The following ZBTB20 variants were observed in gnomAD, a reference collection of about 807,000 sequenced individuals.
ZBTB20 encodes zinc finger and BTB domain containing 20, also known as zinc finger and BTB domain-containing protein 20.
Under a neutral mutation model 56.9 loss-of-function variants are expected in ZBTB20, and 9 were observed. That is an observed-to-expected ratio of 0.16 (90% CI 0.10 to 0.28). The LOEUF (loss-of-function observed/expected upper bound fraction) is 0.28. Among genes scored for constraint, ZBTB20 ranks in the 10% least tolerant of loss-of-function variants. The pLI, the probability that ZBTB20 is intolerant of heterozygous loss-of-function variation, is 1.00. For missense variants in ZBTB20, 655 were observed against 1,003.0 expected (o/e 0.65, Z 4.69); for synonymous variants, 417 against 420.7 (o/e 0.99, Z 0.11).
chr3:115,073,885 C>T (rs2082503152), intron 1 of ZBTB20, among the ~76,000 whole-genome samples: 1 of 151,878 alleles, frequency 6.6e-6, no homozygotes, highest in African/African-American at 2.4e-5. Context: ...TGAAACTTTG[C>T]TCCCAAAATT....
At chr3:114,412,986 T>C (rs1011737193) in intron 7 of ZBTB20, among the ~76,000 whole-genome samples, 1 of 152,144 alleles carries the variant, frequency 6.6e-6, no homozygotes, top group Non-Finnish European at 1.5e-5. Flanking sequence ...TCATTCTGTT[T>C]TGAGCCCAGA....
At chr3:114,923,835 G>A (rs189957339) in intron 3 of ZBTB20, among the ~76,000 whole-genome samples, 1 of 152,086 alleles carries the variant, frequency 6.6e-6, no homozygotes, top group African/African-American at 2.4e-5. Flanking sequence ...TTGATATTCA[G>A]AATGTATGTA....
intron 10 of ZBTB20, among the ~76,000 whole-genome samples, chr3:114,361,334 C>T (rs1345908317): frequency 6.6e-6 from 1 of 152,182 alleles, no homozygotes; most frequent in East Asian, 1.9e-4. Context: ...CCCCATGAAC[C>T]TTATTCAAAC....
intron 7 of ZBTB20, among the ~76,000 whole-genome samples, chr3:114,496,600 A>G (rs182915600): frequency 1.3e-5 from 2 of 152,322 alleles, no homozygotes; most frequent in East Asian, 3.9e-4. Flanking sequence ...TACATGAAAC[A>G]TAAGCTGTTG....
chr3:114,365,959 A>ATT lies in ZBTB20; in HGVS notation c.200-14082_200-14081insAA, dbSNP rs2082355591. Among the ~76,000 whole-genome samples, 8 of 152,346 alleles carry ATT rather than the reference A, an allele frequency of 5.3e-5. No individual in the cohort carries two copies. In the South Asian group the frequency reaches 1.7e-3, roughly 32 times the overall value. On this transcript the variant is annotated intron_variant, in intron 10 of 11. Transcript: ENST00000675478. Reference sequence around the variant, plus strand: ...ATAATCGGGTAAAAAATTAGTACCTATATTTTCACAAATGGGCATAATGCT... The same window carrying ATT: ...ATAATCGGGTAAAAAATTAGTACCTATTTATTTTCACAAATGGGCATAATGCT...
At chr3:114,660,277 A>G (rs929010324) in intron 6 of ZBTB20, among the ~76,000 whole-genome samples, 2 of 152,182 alleles carry the variant, frequency 1.3e-5, no homozygotes, top group Non-Finnish European at 2.9e-5. Context: ...GGAGAAGGAT[A>G]CAGTGCATTT....
At chr3:114,525,770 C>T (rs1449856242) in intron 6 of ZBTB20, among the ~76,000 whole-genome samples, 11 of 152,170 alleles carry the variant, frequency 7.2e-5, no homozygotes, top group South Asian at 2.1e-4. Context: ...CTATGGCCTC[C>T]TTAGATAGCT....
intron 4 of ZBTB20, among the ~76,000 whole-genome samples, chr3:114,879,985 T>C (rs929824470): frequency 6.6e-6 from 1 of 152,218 alleles, no homozygotes; most frequent in Admixed American, 6.5e-5. Flanking sequence ...AATTAAATAT[T>C]TGATTTTTTA....
At chr3:114,676,441 T>C (rs563362716) in intron 6 of ZBTB20, among the ~76,000 whole-genome samples, 1 of 152,306 alleles carries the variant, frequency 6.6e-6, no homozygotes, top group East Asian at 1.9e-4. Flanking sequence ...TCTATAAACA[T>C]TAAGTTCATT....
chr3:115,027,955 T>C (rs951905621), intron 2 of ZBTB20, among the ~76,000 whole-genome samples: 1 of 150,874 alleles, frequency 6.6e-6, no homozygotes, highest in African/African-American at 2.4e-5. Flanking sequence ...ATTTTCCATG[T>C]ATAACATGTT....
intron 4 of ZBTB20, among the ~76,000 whole-genome samples, chr3:114,815,648 ATAC>A (rs2072862884): frequency 6.6e-6 from 1 of 152,186 alleles, no homozygotes; most frequent in African/African-American, 2.4e-5. Context: ...ATTATTCATG[ATAC>A]TACTCATTGT....
At chr3:114,783,790 T>TC (rs1553820363) in intron 5 of ZBTB20, among the ~76,000 whole-genome samples, 1 of 18,192 alleles carries the variant, frequency 5.5e-5, no homozygotes, top group East Asian at 1.7e-3. Flanking sequence ...AGACTCTGCC[T>TC]CAAAAAAAAA....
chr3:114,558,470 A>G (rs2051547199), intron 6 of ZBTB20, among the ~76,000 whole-genome samples: 1 of 152,098 alleles, frequency 6.6e-6, no homozygotes, highest in South Asian at 2.1e-4. Flanking sequence ...TAAATGGCCA[A>G]AGACATAGGA....
intron 2 of ZBTB20, among the ~76,000 whole-genome samples, chr3:115,054,767 G>A (rs1345687438): frequency 6.6e-6 from 1 of 152,046 alleles, no homozygotes; most frequent in Non-Finnish European, 1.5e-5. Flanking sequence ...GGCCCATAGA[G>A]GGATTATTAA....
chr3:114,814,805 C>T (rs1448262196), intron 4 of ZBTB20, among the ~76,000 whole-genome samples: 1 of 152,170 alleles, frequency 6.6e-6, no homozygotes, highest in Non-Finnish European at 1.5e-5. Context: ...GGCACCTAGT[C>T]CAGGAGTGTG....
At chr3:114,471,731 G>A (rs1472239879) in intron 7 of ZBTB20, among the ~76,000 whole-genome samples, 1 of 152,164 alleles carries the variant, frequency 6.6e-6, no homozygotes, top group Non-Finnish European at 1.5e-5. Context: ...AGATATAACT[G>A]AGGACTCTAC....
At chr3:114,698,964 A>G (rs2063225529) in intron 5 of ZBTB20, among the ~76,000 whole-genome samples, 1 of 152,158 alleles carries the variant, frequency 6.6e-6, no homozygotes, top group Non-Finnish European at 1.5e-5. Flanking sequence ...AGAATGCACT[A>G]GAAAGGCCTG....
At chr3:115,083,023 C>T (rs2082853315) in intron 1 of ZBTB20, among the ~76,000 whole-genome samples, 1 of 151,962 alleles carries the variant, frequency 6.6e-6, no homozygotes, top group Admixed American at 6.6e-5. Context: ...TCTACTTATA[C>T]TAAGAACATT....
chr3:114,465,209 G>A (rs1027921641), intron 7 of ZBTB20, among the ~76,000 whole-genome samples: 1 of 152,092 alleles, frequency 6.6e-6, no homozygotes, highest in African/African-American at 2.4e-5. Context: ...ACAGTTTGGT[G>A]AGTGTTTGTT....
Sources: allele counts gnomAD v4.1 joint callset (sites outside exome capture counted in the v4.1 genomes callset), GRCh38; gene constraint gnomAD v4.1.1; transcripts MANE v1.5; gene names NCBI Gene and HGNC (gene_info 2026-07-23, HGNC 2026-07-21).